Variants in VWA5B1 observed in about 807,000 individuals in gnomAD.
The protein encoded by VWA5B1 is von Willebrand factor A domain containing 5B1.
A neutral mutation model predicts 118.2 loss-of-function variants in VWA5B1; 115 were observed. The ratio of observed to expected loss-of-function variants is 0.97; its 90% confidence interval spans 0.84 to 1.14. The LOEUF (loss-of-function observed/expected upper bound fraction) is 1.14, where lower values mean the gene tolerates loss of function less well. Among genes scored for constraint, VWA5B1 ranks in the 50% most tolerant of loss-of-function variants. The probability of loss-of-function intolerance (pLI) is 0.00; values close to 1 mark genes in which losing one functional copy is unlikely to be tolerated. For missense variants in VWA5B1, 1,596 were observed against 1,603.8 expected (o/e 1.00, Z 0.08); for synonymous variants, 682 against 658.4 (o/e 1.04, Z -0.55).
Position 20,343,134 on chromosome 1 carries a change from C to T in VWA5B1, c.2367C>T (p.Pro789=). 6.5e-7 allele frequency: 1 copy of T among 1,546,032 alleles called. No individual in the cohort carries two copies. The highest frequency in any genetic ancestry group is 8.7e-7 in the Non-Finnish European group (1 of 1,143,908). ...CAGAGACGTCCTCGGACTGGGACCCCCCAGCCGAGTCCCAGGAGCGAGCCA... is the reference window on the plus strand; with the variant it reads ...CAGAGACGTCCTCGGACTGGGACCCTCCAGCCGAGTCCCAGGAGCGAGCCA... ...FETETSSDWD[P]PAESQERASP... The change falls in exon 16 of 22, where the codon CCC becomes CCT. Residue 789 remains proline, a synonymous_variant. Transcript: ENST00000289815.
At position 20,355,894 on chromosome 1, in the gene VWA5B1, T is replaced by C. The variant is rs137886876; in HGVS notation, c.*1631T>C. Among the ~76,000 whole-genome samples, 805 of 151,936 alleles carry C rather than the reference T, an allele frequency of 5.3e-3. 6 individuals carry two copies. Among genetic ancestry groups the C allele is most frequent in the African/African-American group, 0.018 (764 of 41,466 alleles). On this transcript the variant is annotated 3_prime_UTR_variant, in exon 22 of 22. Transcript: ENST00000289815. ...AAGATGAAATCCCATTGCTGCCTTG[T>C]GGACTGGCTCTGCTTCAGACTTACC...
At position 20,318,479 on chromosome 1, in the gene VWA5B1, C is replaced by T. The variant is rs564678887; in HGVS notation, c.710-111C>T. On this transcript the variant is annotated intron_variant, in intron 5 of 21. Transcript: ENST00000289815. ...CACACTGCAGGTCAGGAGCCCCTAA[C>T]GGGGCTGGCATGTCACTCATCTCTG... The T allele has an allele frequency of 8.0e-5, 116 of 1,451,384 alleles. No homozygotes were observed. In the African/African-American group the frequency reaches 8.6e-4, roughly 11 times the overall value. 89.9% of individuals were successfully genotyped at this position (1,451,384 alleles called of 1,614,324 possible).
chr1:20,349,371 T>TTTTATTTA (rs10667083), intron 18 of VWA5B1: 4,086 of 149,088 alleles, frequency 0.027, 119 homozygotes, highest in East Asian at 0.064. Flanking sequence ...AAATCCTTTA[T>TTTTATTTA]TTTATTTATT....
At chr1:20,343,935 A>G (rs1336529806) in intron 16 of VWA5B1, among the ~76,000 whole-genome samples, 1 of 84,626 alleles carries the variant, frequency 1.2e-5, no homozygotes, top group Non-Finnish European at 2.3e-5. Flanking sequence ...CTCCAGGATC[A>G]GCCCTTCATC....
In VWA5B1 at chr1:20,350,883, A is replaced by G; in HGVS notation, c.2980A>G (p.Thr994Ala). ...TCCCCAGCGCAGCCTGGCTACAAAT[A>G]CTCTTTCTTCCATGAAGGCCTCAGA... ...EGPQRSLATN[T>A]LSSMKASENL... Residue 994 changes from threonine (T) to alanine (A), a missense_variant, in exon 20 of 22, where the codon ACT becomes GCT. Transcript: ENST00000289815. 2 of 1,551,308 alleles carry G rather than the reference A, an allele frequency of 1.3e-6. No homozygotes were observed. Among genetic ancestry groups the G allele is most frequent in the Non-Finnish European group, 8.7e-7 (1 of 1,146,914 alleles).
intron 13 of VWA5B1, among the ~76,000 whole-genome samples, chr1:20,337,357 GCCTCAAATGATCCACCCA>G (rs2089747660): frequency 6.6e-6 from 1 of 151,990 alleles, no homozygotes; most frequent in Non-Finnish European, 1.5e-5. Flanking sequence ...GGAACTCCTG[GCCTCAAATGATCCACCCA>G]CCTCGGCTTC....
chr1:20,306,656 C>T (rs993451317), intron 1 of VWA5B1, among the ~76,000 whole-genome samples: 4 of 152,212 alleles, frequency 2.6e-5, no homozygotes, highest in Admixed American at 6.5e-5. Context: ...TTATTGAGCA[C>T]CTATTATGTG....
At chr1:20,325,484 T>C (rs1031616480) in intron 8 of VWA5B1, among the ~76,000 whole-genome samples, 1 of 152,098 alleles carries the variant, frequency 6.6e-6, no homozygotes. Context: ...GGTCATGACA[T>C]TTTTTTTCCT....
chr1:20,311,273 G>C (rs2100839549), intron 2 of VWA5B1, among the ~76,000 whole-genome samples: 1 of 152,316 alleles, frequency 6.6e-6, no homozygotes, highest in Non-Finnish European at 1.5e-5. Flanking sequence ...GCGCCAGACT[G>C]TCCCTGCATT....
At chr1:20,319,984 C>G (rs10916763) in intron 7 of VWA5B1, among the ~76,000 whole-genome samples, 6,395 of 152,218 alleles carry the variant, frequency 0.042, 467 homozygotes, top group African/African-American at 0.14. Context: ...CTTCTGCTGT[C>G]CCCCACCCCA....
rs2089023269 is a variant in VWA5B1 at position 20,316,810 on chromosome 1, G to A, written c.564-720G>A. Among the ~76,000 whole-genome samples, 5 of 152,294 alleles carry A rather than the reference G, an allele frequency of 3.3e-5. No homozygotes were observed. In the South Asian group the frequency reaches 1.0e-3, roughly 32 times the overall value. ...TTGCAGCTTACAGAGACAGAGCAGAGATTCAGGACGTGGCGTGACGCAGTA... is the reference window on the plus strand; with the variant it reads ...TTGCAGCTTACAGAGACAGAGCAGAAATTCAGGACGTGGCGTGACGCAGTA... On this transcript the variant is annotated intron_variant, in intron 4 of 21. Transcript: ENST00000289815.
At chr1:20,297,604 G>A (rs1349071303) in intron 1 of VWA5B1, among the ~76,000 whole-genome samples, 1 of 152,218 alleles carries the variant, frequency 6.6e-6, no homozygotes, top group East Asian at 1.9e-4. Flanking sequence ...ATACTTATAG[G>A]AAATAGGGGA....
intron 17 of VWA5B1, among the ~76,000 whole-genome samples, chr1:20,345,953 C>A (rs1168778280): frequency 1.3e-5 from 2 of 152,214 alleles, no homozygotes; most frequent in Non-Finnish European, 2.9e-5. Flanking sequence ...GGAGTGTATA[C>A]TAGTCACCCA....
chr1:20,330,912 G>A lies in VWA5B1; in HGVS notation c.1501G>A (p.Val501Met), dbSNP rs769421302. Residue 501 changes from valine (V) to methionine (M), a missense_variant, in exon 11 of 22, where the codon GTG (valine) becomes ATG (methionine). By Grantham distance (21) the Val-to-Met change is conservative. Transcript: ENST00000289815. ...GIGPNVCHRL[V>M]KGLASVSEGS... The stretch of plus-strand genomic sequence containing the variant: ...TGGACCCAACGTCTGCCACAGACTG[G>A]TGAAAGGACTGGCATCTGTGTCCGA... 1.3e-6 allele frequency: 2 copies of A among 1,551,630 alleles called. No individual in the cohort carries two copies. The highest frequency in any genetic ancestry group is 1.4e-5 in the African/African-American group (1 of 73,050).
In VWA5B1 at chr1:20,310,575, G is replaced by C; in HGVS notation, c.-26-1G>C. Reference sequence around the variant, plus strand: ...CTTCCTGCCCTTCCTGTGTCTCACAGGTTCTGAAGGCTGAGTAGCCAGCGG... The same window carrying C: ...CTTCCTGCCCTTCCTGTGTCTCACACGTTCTGAAGGCTGAGTAGCCAGCGG... On this transcript the variant is annotated splice_acceptor_variant, in intron 1 of 21. Coordinates refer to ENST00000289815, the MANE Select transcript of VWA5B1 (RefSeq NM_001039500.3). LOFTEE classifies it low-confidence loss of function (5UTR_SPLICE). The C allele has an allele frequency of 6.6e-7, 1 of 1,504,626 alleles. No homozygotes were observed. Among genetic ancestry groups the C allele is most frequent in the South Asian group, 1.3e-5 (1 of 75,706 alleles). 93.2% of individuals were successfully genotyped at this position (1,504,626 alleles called of 1,614,324 possible). A position where few individuals can be genotyped will look rare whatever the true frequency, so the allele number is the denominator to read the frequency against.
At chr1:20,300,943 T>G (rs115399645) in intron 1 of VWA5B1, among the ~76,000 whole-genome samples, 18,911 of 152,178 alleles carry the variant, frequency 0.12, 1,736 homozygotes, top group African/African-American at 0.25. Context: ...ATGCAGTTGG[T>G]GGCAGGACTT....
chr1:20,312,187 A>AC (rs1233874810), intron 2 of VWA5B1, among the ~76,000 whole-genome samples: 2 of 152,176 alleles, frequency 1.3e-5, no homozygotes, highest in African/African-American at 4.8e-5. Context: ...GTCTGGCCCT[A>AC]CCCCAGAGCT....
At chr1:20,337,916 G>C in intron 14 of VWA5B1, 80 bp downstream of exon 14, 2 of 1,531,366 alleles carry the variant, frequency 1.3e-6, no homozygotes, top group South Asian at 2.4e-5. Flanking sequence ...TTCAACCGCA[G>C]GACGTGGCCA....
intron 1 of VWA5B1, among the ~76,000 whole-genome samples, chr1:20,291,363 C>CTTTCTT (rs1557821958): frequency 5.0e-5 from 6 of 120,368 alleles, no homozygotes; most frequent in African/African-American, 3.2e-4. Flanking sequence ...CTTTCTTTCT[C>CTTTCTT]TCTCTCTCTC....
Sources: allele counts gnomAD v4.1 joint callset (sites outside exome capture counted in the v4.1 genomes callset), GRCh38; gene constraint gnomAD v4.1.1; transcripts MANE v1.5; gene names NCBI Gene and HGNC (gene_info 2026-07-23, HGNC 2026-07-21).